The following CSMD2 variants were observed in gnomAD, a reference collection of about 807,000 sequenced individuals.
The protein encoded by CSMD2 is CUB and Sushi multiple domains 2, also known as CUB and sushi domain-containing protein 2.
A neutral mutation model predicts 398.5 loss-of-function variants in CSMD2; 130 were observed. The observed-to-expected ratio is 0.33, with a 90% CI of 0.28 to 0.38. CSMD2 has a LOEUF of 0.38. Ranked by LOEUF, CSMD2 falls within the 10% of genes least tolerant of loss-of-function variation. The pLI, the probability that CSMD2 is intolerant of heterozygous loss-of-function variation, is 1.00. For synonymous variants in CSMD2, 1,828 were observed against 1,908.5 expected (o/e 0.96, Z 1.10); for missense variants, 3,829 against 4,764.9 (o/e 0.80, Z 5.78).
chr1:33,573,636 G>C (rs12065081), intron 49 of CSMD2, among the ~76,000 whole-genome samples: 1 of 152,024 alleles, frequency 6.6e-6, no homozygotes, highest in Admixed American at 6.6e-5. Flanking sequence ...AAAAGAGACC[G>C]AAAATGAGAG....
intron 6 of CSMD2, among the ~76,000 whole-genome samples, chr1:33,831,241 A>G (rs1659515076): frequency 1.3e-5 from 2 of 152,158 alleles, no homozygotes; most frequent in South Asian, 4.1e-4. Flanking sequence ...GAAGGAAAAA[A>G]TGTTAAGGGC....
chr1:33,597,248 C>T (rs1335880559), intron 44 of CSMD2, among the ~76,000 whole-genome samples: 3 of 152,150 alleles, frequency 2.0e-5, no homozygotes, highest in Non-Finnish European at 4.4e-5. Flanking sequence ...TTCCACTGTC[C>T]ACTTTTTGCA....
intron 13 of CSMD2, among the ~76,000 whole-genome samples, chr1:33,769,825 G>A (rs1651025361): frequency 6.6e-6 from 1 of 152,120 alleles, no homozygotes; most frequent in Non-Finnish European, 1.5e-5. Flanking sequence ...AAAGGGCAAT[G>A]TTATTTGCCA....
At chr1:34,008,103 TCTCTGCA>T (rs1197477227) in intron 3 of CSMD2, among the ~76,000 whole-genome samples, 1 of 152,178 alleles carries the variant, frequency 6.6e-6, no homozygotes, top group African/African-American at 2.4e-5. Context: ...TGCTGTCAAT[TCTCTGCA>T]CTCATCTGTC....
intron 2 of CSMD2, among the ~76,000 whole-genome samples, chr1:34,058,633 T>C (rs918210094): frequency 8.5e-5 from 13 of 152,168 alleles, no homozygotes; most frequent in African/African-American, 3.1e-4. Context: ...CACCTATGCC[T>C]GTTGTCTGGG....
chr1:33,813,301 A>G (rs1464529316), intron 9 of CSMD2: 1 of 152,210 alleles, frequency 6.6e-6, no homozygotes, highest in African/African-American at 2.4e-5. Context: ...ACTAGGTTCA[A>G]AATGAAGCAT....
intron 25 of CSMD2, among the ~76,000 whole-genome samples, chr1:33,674,684 C>T (rs1644637482): frequency 6.6e-6 from 1 of 152,198 alleles, no homozygotes; most frequent in African/African-American, 2.4e-5. Flanking sequence ...CACACCTATT[C>T]CAAAATGGAT....
intron 10 of CSMD2, among the ~76,000 whole-genome samples, chr1:33,792,831 C>A (rs565106226): frequency 6.6e-6 from 1 of 152,204 alleles, no homozygotes; most frequent in Non-Finnish European, 1.5e-5. Flanking sequence ...TCTTTCTTCA[C>A]GCCTTAATGC....
At chr1:33,538,722 C>A (rs991189762) in intron 60 of CSMD2, among the ~76,000 whole-genome samples, 1 of 152,152 alleles carries the variant, frequency 6.6e-6, no homozygotes, top group African/African-American at 2.4e-5. Flanking sequence ...TTCTCATAAG[C>A]AATGTGATGC....
chr1:33,583,232 G>T (rs1638853227), intron 47 of CSMD2, among the ~76,000 whole-genome samples: 1 of 152,222 alleles, frequency 6.6e-6, no homozygotes, highest in African/African-American at 2.4e-5. Flanking sequence ...TCTGAAGCAT[G>T]CTGAGACATG....
chr1:33,668,768 G>A lies in CSMD2; in HGVS notation c.4053-5676C>T, dbSNP rs185616804. Among the ~76,000 whole-genome samples the A allele has an allele frequency of 2.0e-4, 31 of 152,242 alleles. No homozygotes were observed. In the East Asian group the frequency reaches 3.1e-3, roughly 15 times the overall value. Reference sequence around the variant, plus strand: ...TGATGACTTGCTTGTCTGTGTGTGCGTTTCTTTGGACCACAAACACAAAAC... The same window carrying A: ...TGATGACTTGCTTGTCTGTGTGTGCATTTCTTTGGACCACAAACACAAAAC... On this transcript the variant is annotated intron_variant, in intron 25 of 70. Coordinates refer to ENST00000373381, the MANE Select transcript of CSMD2 (RefSeq NM_001281956.2).
chr1:33,988,156 G>A (rs1304969215), intron 3 of CSMD2, among the ~76,000 whole-genome samples: 1 of 152,134 alleles, frequency 6.6e-6, no homozygotes, highest in Non-Finnish European at 1.5e-5. Context: ...ACACTTACTG[G>A]GCTTAATACA....
chr1:34,034,409 T>G (rs1209983208), intron 2 of CSMD2, among the ~76,000 whole-genome samples: 1 of 152,220 alleles, frequency 6.6e-6, no homozygotes, highest in African/African-American at 2.4e-5. Flanking sequence ...ATACAGACTC[T>G]GAAAGCCTTT....
At position 33,541,296 on chromosome 1, in the gene CSMD2, A is replaced by G; in HGVS notation, c.9291T>C (p.Gly3097=). The G allele has an allele frequency of 1.2e-6, 2 of 1,613,982 alleles. No homozygotes were observed. Among genetic ancestry groups the G allele is most frequent in the Non-Finnish European group, 1.7e-6 (2 of 1,179,922 alleles). The part of the protein sequence containing the change: ...SDPECLVINC[G]DPGIPANGLR... ...GGCCATTGGCTGGAATCCCAGGGTC[A>G]CCACAGTTTATGACTAGGATAAGAG... The change falls in exon 59 of 71, where the codon GGT becomes GGC. Residue 3097 remains glycine, a synonymous_variant. Transcript: ENST00000373381.
intron 5 of CSMD2, among the ~76,000 whole-genome samples, chr1:33,888,358 CAA>C (rs1483471476): frequency 1.3e-5 from 2 of 151,930 alleles, no homozygotes; most frequent in East Asian, 3.9e-4. Context: ...GGGTAGAAAA[CAA>C]AAATTATTAC....
chr1:33,909,390 T>C (rs1446993994), intron 5 of CSMD2, among the ~76,000 whole-genome samples: 1 of 152,096 alleles, frequency 6.6e-6, no homozygotes, highest in East Asian at 1.9e-4. Context: ...TAGAATAGGG[T>C]CCCCACTGCT....
chr1:33,569,665 C>T (rs1226527900), intron 51 of CSMD2, 118 bp from the exon 52 acceptor site: 1 of 1,045,794 alleles, frequency 9.6e-7, no homozygotes, highest in Non-Finnish European at 1.4e-6. Flanking sequence ...GCTGGAATTC[C>T]TGACCAGAAT....
At chr1:33,829,689 C>A (rs1002129443) in intron 6 of CSMD2, among the ~76,000 whole-genome samples, 11 of 152,174 alleles carry the variant, frequency 7.2e-5, no homozygotes, top group Non-Finnish European at 1.3e-4. Context: ...CGTGCATGAG[C>A]CAAAGCAGGG....
chr1:33,980,802 C>G (rs879706836), intron 3 of CSMD2, among the ~76,000 whole-genome samples: 1 of 151,972 alleles, frequency 6.6e-6, no homozygotes, highest in Non-Finnish European at 1.5e-5. Flanking sequence ...GATGATGAAA[C>G]GAAGGAAAAT....
Sources: allele counts gnomAD v4.1 joint callset (sites outside exome capture counted in the v4.1 genomes callset), GRCh38; gene constraint gnomAD v4.1.1; transcripts MANE v1.5; gene names NCBI Gene and HGNC (gene_info 2026-07-23, HGNC 2026-07-21).